ZNF185: variants seen among roughly 807,000 people sequenced by gnomAD.
ZNF185 encodes zinc finger protein 185.
A neutral mutation model predicts 58.6 loss-of-function variants in ZNF185; 56 were observed. The observed-to-expected ratio is 0.95, with a 90% CI of 0.77 to 1.19. The LOEUF (loss-of-function observed/expected upper bound fraction) is 1.19, where lower values mean the gene tolerates loss of function less well. ZNF185 is among the 50% of genes most tolerant of loss of function. ZNF185 has a pLI of 0.00. For synonymous variants in ZNF185, 230 were observed against 215.9 expected, an observed-to-expected ratio of 1.07 and a Z score of -0.57; for missense variants, 627 against 573.5, an observed-to-expected ratio of 1.09 and a Z score of -0.95.
At chrX:152,932,494 C>T (rs1225350425) in intron 13 of ZNF185, among the ~76,000 whole-genome samples, 1 of 111,868 alleles carries the variant, frequency 8.9e-6, no homozygotes, top group African/African-American at 3.3e-5. Context: ...CCCACACACC[C>T]GTCTTCTCAG....
chrX:152,963,819 C>A lies in ZNF185; in HGVS notation c.1608-20C>A, dbSNP rs377020023. The A allele has an allele frequency of 4.6e-5, 55 of 1,197,436 alleles. No homozygotes were observed. In the African/African-American group the frequency reaches 9.5e-4, roughly 21 times the overall value. On this transcript the variant is annotated intron_variant, in intron 17 of 22. Coordinates refer to ENST00000449285, the Ensembl canonical transcript of ZNF185. ...CAGCTCCCAGGTTGACGTGCCCACC[C>A]CTCCCTTTATTTCTTTCAGGGTGAG...
At chrX:152,959,630 C>T in intron 16 of ZNF185, 69 bp from the exon 19 acceptor site, 21 of 1,097,930 alleles carry the variant, frequency 1.9e-5, no homozygotes, top group Non-Finnish European at 2.6e-5. Flanking sequence ...GACAGCCAGC[C>T]TACCTGCCAT....
At chrX:152,964,563 A>G (rs2049914741) in intron 18 of ZNF185, among the ~76,000 whole-genome samples, 1 of 111,841 alleles carries the variant, frequency 8.9e-6, no homozygotes, top group Non-Finnish European at 1.9e-5. Flanking sequence ...CACTAAGGGG[A>G]TGGTGCTAGC....
Position 152,959,848 on chromosome X carries a change from G to A in ZNF185, c.1559G>A (p.Ser520Asn), listed in dbSNP as rs782746511. 9 of 1,211,517 alleles carry A rather than the reference G, an allele frequency of 7.4e-6. No homozygotes were observed. In the South Asian group the frequency reaches 1.4e-4, roughly 19 times the overall value. ...CCCAGTACCCCAGAACAGCAGAACA[G>A]CCCCAGCGGATCTGAGCAATTCGTC... The change falls in exon 17 of 23, where the codon AGC becomes AAC. Residue 520 changes from serine (S) to asparagine (N), a missense_variant. Coordinates refer to ENST00000449285, the Ensembl canonical transcript of ZNF185.
chrX:152,920,186 G>C (rs1346739943), intron 7 of ZNF185, 142 bp from the exon 9 acceptor site: 4 of 468,080 alleles, frequency 8.5e-6, no homozygotes, highest in Non-Finnish European at 1.5e-5. Context: ...AATAGTCCTT[G>C]GAGCAGGTGC....
the ZNF185 span, among the ~76,000 whole-genome samples, chrX:152,903,009 C>A: frequency 9.0e-6 from 1 of 111,367 alleles, no homozygotes; most frequent in Non-Finnish European, 1.9e-5. Context: ...GACTTCCTGT[C>A]ACTGGCCTGC....
chrX:152,903,259 G>C, the ZNF185 span, among the ~76,000 whole-genome samples: 1 of 108,265 alleles, frequency 9.2e-6, no homozygotes, highest in South Asian at 4.1e-4. Flanking sequence ...TGTGGTGGCA[G>C]GCGTCTGTAA....
chrX:152,945,193 C>G, intron 15 of ZNF185, 74 bp from the exon 18 acceptor site: 1 of 1,088,439 alleles, frequency 9.2e-7, no homozygotes, highest in Non-Finnish European at 1.2e-6. Flanking sequence ...AGGTGACAGC[C>G]AGCTTGCGTC....
intron 15 of ZNF185, among the ~76,000 whole-genome samples, chrX:152,942,981 T>G (rs1556891521): frequency 8.9e-6 from 1 of 111,847 alleles, no homozygotes; most frequent in East Asian, 2.8e-4. Flanking sequence ...TGTATATGTA[T>G]ATCATATATA....
At position 152,918,268 on chromosome X, in the gene ZNF185, C is replaced by T. The variant is rs781942178; in HGVS notation, c.431+114C>T. On this transcript the variant is annotated intron_variant, in intron 6 of 22. Coordinates refer to ENST00000449285, the Ensembl canonical transcript of ZNF185. ...CCACCGAGCACAGCCCGGGAAGTCCCGCCTGCCTGACACTCCCTGCCAGTT... is the reference window on the plus strand; with the variant it reads ...CCACCGAGCACAGCCCGGGAAGTCCTGCCTGCCTGACACTCCCTGCCAGTT... 8 of 890,993 alleles carry T rather than the reference C, an allele frequency of 9.0e-6. No individual in the cohort carries two copies. The Admixed American group carries it at 1.8e-4, about 20-fold the overall frequency. 73.4% of individuals were successfully genotyped at this position (890,993 alleles called of 1,213,427 possible). A position where few individuals can be genotyped will look rare whatever the true frequency, so the allele number is the denominator to read the frequency against.
chrX:152,963,444 A>C (rs1273551758), intron 17 of ZNF185, among the ~76,000 whole-genome samples: 1 of 112,225 alleles, frequency 8.9e-6, no homozygotes, highest in Non-Finnish European at 1.9e-5. Flanking sequence ...TGGCAGAAGG[A>C]GCTGATCCTA....
chrX:152,965,272 T>C (rs1170899699), intron 18 of ZNF185, among the ~76,000 whole-genome samples, 175 bp from the exon 21 acceptor site: 3 of 111,707 alleles, frequency 2.7e-5, no homozygotes, highest in African/African-American at 9.8e-5. Context: ...TGGCCTGGGA[T>C]TGTAGTCTGA....
the ZNF185 span, among the ~76,000 whole-genome samples, chrX:152,899,199 A>G: frequency 8.9e-6 from 1 of 112,634 alleles, no homozygotes; most frequent in Non-Finnish European, 1.9e-5. Context: ...TTGAGGCTTC[A>G]GTACCTGGAC....
intron 19 of ZNF185, among the ~76,000 whole-genome samples, chrX:152,966,951 C>A (rs2050170113): frequency 9.0e-6 from 1 of 110,871 alleles, no homozygotes; most frequent in Admixed American, 9.6e-5. Context: ...GCATATACAA[C>A]CTCAGGAATC....
At chrX:152,914,579 G>C (rs1407212707) in intron 1 of ZNF185, 56 bp downstream of exon 2, 16 of 1,150,837 alleles carry the variant, frequency 1.4e-5, no homozygotes, top group Non-Finnish European at 1.7e-5. Flanking sequence ...TTGCTTCCAA[G>C]CCTGCCCCTA....
At chrX:152,928,695 G>C (rs1556874845) in intron 12 of ZNF185, 34 bp downstream of exon 13, 2 of 1,184,815 alleles carry the variant, frequency 1.7e-6, no homozygotes, top group Admixed American at 2.2e-5. Flanking sequence ...TGGCTCCCTG[G>C]ACACCATTCT....
intron 11 of ZNF185, among the ~76,000 whole-genome samples, chrX:152,925,358 A>T (rs1269428984): frequency 3.6e-5 from 4 of 111,781 alleles, no homozygotes; most frequent in African/African-American, 1.3e-4. Context: ...ATTGTGCTGT[A>T]TTATAGATTT....
At chrX:152,902,743 A>G in the ZNF185 span, among the ~76,000 whole-genome samples, 2 of 111,669 alleles carry the variant, frequency 1.8e-5, no homozygotes, top group Non-Finnish European at 3.8e-5. Context: ...TTCTCTCTGG[A>G]CTTCCTTATT....
Position 152,932,985 on chromosome X carries a change from G to A in ZNF185, c.1121+14G>A. The A allele has an allele frequency of 8.6e-7, 1 of 1,156,413 alleles. No homozygotes were observed. Among genetic ancestry groups the A allele is most frequent in the South Asian group, 1.9e-5 (1 of 51,857 alleles). ...CGAGAGAGGAAGGTGAGCTGCCCGGGGGAGGCAGGTTCTCTCATGCCCCTG... is the reference window on the plus strand; with the variant it reads ...CGAGAGAGGAAGGTGAGCTGCCCGGAGGAGGCAGGTTCTCTCATGCCCCTG... On this transcript the variant is annotated intron_variant, in intron 14 of 22. Coordinates refer to ENST00000449285, the Ensembl canonical transcript of ZNF185.
Sources: allele counts gnomAD v4.1 joint callset (sites outside exome capture counted in the v4.1 genomes callset), GRCh38; gene constraint gnomAD v4.1.1; transcripts MANE v1.5; gene names NCBI Gene and HGNC (gene_info 2026-07-23, HGNC 2026-07-21).